Variants in MAF observed in about 807,000 individuals in gnomAD.
MAF encodes the protein transcription factor Maf.
MAF carries 10 observed loss-of-function variants against 22.0 expected under a neutral mutation model. The observed-to-expected ratio is 0.45, with a 90% confidence interval of 0.28 to 0.77. The LOEUF (loss-of-function observed/expected upper bound fraction) is 0.77, where lower values mean the gene tolerates loss of function less well. Among genes scored for constraint, MAF ranks in the 30% least tolerant of loss-of-function variants. The pLI is 0.12. For missense variants in MAF, 544 were observed against 548.4 expected, an observed-to-expected ratio of 0.99 and a Z score of 0.08; for synonymous variants, 337 against 255.8, an observed-to-expected ratio of 1.32 and a Z score of -3.03.
chr16:79,482,114 G>T, the MAF span, among the ~76,000 whole-genome samples: 2 of 152,136 alleles, frequency 1.3e-5, no homozygotes, highest in African/African-American at 4.8e-5. Context: ...AGGGTTGGAC[G>T]CATTGACAAG....
the MAF span, among the ~76,000 whole-genome samples, chr16:79,330,948 G>A: frequency 2.0e-5 from 3 of 152,156 alleles, no homozygotes; most frequent in African/African-American, 2.4e-5. Flanking sequence ...TGCAAACCCC[G>A]GACATGAAGG....
At chr16:79,228,994 C>G in the MAF span, among the ~76,000 whole-genome samples, 1 of 151,854 alleles carries the variant, frequency 6.6e-6, no homozygotes, top group Non-Finnish European at 1.5e-5. Context: ...ACACATCCAT[C>G]AGAGCACAAT....
At chr16:79,274,967 C>A in the MAF span, among the ~76,000 whole-genome samples, 1 of 152,196 alleles carries the variant, frequency 6.6e-6, no homozygotes, top group South Asian at 2.1e-4. Flanking sequence ...AACATAAAGA[C>A]TATTGCATGG....
the MAF span, among the ~76,000 whole-genome samples, chr16:79,294,586 T>G: frequency 6.6e-6 from 1 of 152,242 alleles, no homozygotes; most frequent in African/African-American, 2.4e-5. Context: ...AGGTATACTA[T>G]TATCAGGAAG....
chr16:79,579,774 T>C, the MAF span, among the ~76,000 whole-genome samples: 2 of 152,176 alleles, frequency 1.3e-5, no homozygotes, highest in Non-Finnish European at 2.9e-5. Context: ...AGTGAAAATG[T>C]CATTGTTTAA....
At chr16:79,314,154 C>G in the MAF span, among the ~76,000 whole-genome samples, 1 of 152,124 alleles carries the variant, frequency 6.6e-6, no homozygotes, top group Non-Finnish European at 1.5e-5. Flanking sequence ...CTCTGGAAAG[C>G]TGTTGTTATT....
At chr16:79,258,691 C>A in the MAF span, among the ~76,000 whole-genome samples, 2 of 152,202 alleles carry the variant, frequency 1.3e-5, no homozygotes, top group African/African-American at 4.8e-5. Flanking sequence ...CTCAGCAGAG[C>A]TGTGGTAGTC....
the MAF span, among the ~76,000 whole-genome samples, chr16:79,462,450 G>A: frequency 5.1e-3 from 774 of 152,290 alleles, 7 homozygotes; most frequent in African/African-American, 0.018. Context: ...ATTGCTCTGA[G>A]TTTAATGTCT....
chr16:79,575,995 C>A, the MAF span, among the ~76,000 whole-genome samples: 1 of 151,982 alleles, frequency 6.6e-6, no homozygotes, highest in African/African-American at 2.4e-5. Context: ...AGCCTATGAA[C>A]ACAGTAAAGG....
chr16:79,477,731 A>T, the MAF span, among the ~76,000 whole-genome samples: 3,027 of 151,608 alleles, frequency 0.02, 120 homozygotes, highest in African/African-American at 0.068. Flanking sequence ...TTTTTTTTTT[A>T]AATTTTTTTT....
At chr16:79,360,525 G>C in the MAF span, among the ~76,000 whole-genome samples, 1 of 152,172 alleles carries the variant, frequency 6.6e-6, no homozygotes, top group African/African-American at 2.4e-5. Context: ...TGTTAGGATT[G>C]TTGGGAGACA....
downstream of MAF, among the ~76,000 whole-genome samples, chr16:79,585,072 A>G (rs1200035610): frequency 1.3e-5 from 2 of 152,238 alleles, no homozygotes; most frequent in African/African-American, 4.8e-5. Flanking sequence ...AATTAAAAAA[A>G]TCAAATGTAC....
At chr16:79,386,347 G>T in the MAF span, among the ~76,000 whole-genome samples, 2 of 152,130 alleles carry the variant, frequency 1.3e-5, no homozygotes, top group Non-Finnish European at 2.9e-5. Context: ...AGATCATCAG[G>T]CATTAGATTC....
chr16:79,540,653 G>A, the MAF span, among the ~76,000 whole-genome samples: 10 of 152,304 alleles, frequency 6.6e-5, no homozygotes, highest in Admixed American at 3.3e-4. Context: ...GGTGCATGCC[G>A]GGGAGATGGC....
chr16:79,469,498 GA>G, the MAF span, among the ~76,000 whole-genome samples: 1 of 152,104 alleles, frequency 6.6e-6, no homozygotes, highest in African/African-American at 2.4e-5. Flanking sequence ...CTACTTCATT[GA>G]ACAGTATGAA....
At chr16:79,430,661 G>A in the MAF span, among the ~76,000 whole-genome samples, 1 of 152,176 alleles carries the variant, frequency 6.6e-6, no homozygotes, top group East Asian at 1.9e-4. Context: ...AGCCTGGCAG[G>A]GGAGAGGGTG....
chr16:79,454,137 G>A, the MAF span, among the ~76,000 whole-genome samples: 1 of 152,286 alleles, frequency 6.6e-6, no homozygotes, highest in East Asian at 1.9e-4. Context: ...TTTTAGGGAT[G>A]AATACATTAA....
the MAF span, among the ~76,000 whole-genome samples, chr16:79,444,297 T>A: frequency 6.6e-6 from 1 of 152,166 alleles, no homozygotes; most frequent in Non-Finnish European, 1.5e-5. Flanking sequence ...ATGCTAAGTT[T>A]CTTCTTTATG....
chr16:79,388,471 T>C, the MAF span, among the ~76,000 whole-genome samples: 240 of 152,336 alleles, frequency 1.6e-3, 4 homozygotes, highest in African/African-American at 5.5e-3. Context: ...TTCTTCAATA[T>C]GCGGAGGTCA....
Sources: allele counts gnomAD v4.1 joint callset (sites outside exome capture counted in the v4.1 genomes callset), GRCh38; gene constraint gnomAD v4.1.1; transcripts MANE v1.5; gene names NCBI Gene and HGNC (gene_info 2026-07-23, HGNC 2026-07-21).